The following IL17RA variants were observed in gnomAD, a reference collection of about 807,000 sequenced individuals.
IL17RA encodes interleukin 17 receptor A, also known as interleukin-17 receptor A.
Under a neutral mutation model 50.4 loss-of-function variants are expected in IL17RA, and 34 were observed. The ratio of observed to expected loss-of-function variants is 0.67; its 90% CI spans 0.51 to 0.90. The LOEUF is 0.90. IL17RA is among the 40% of genes least tolerant of loss of function. IL17RA has a pLI of 0.00. For synonymous variants in IL17RA, 585 were observed against 510.4 expected (o/e 1.15, Z -1.97); for missense variants, 1,276 against 1,169.8 (o/e 1.09, Z -1.32).
rs1340102677 is a variant in IL17RA, at chr22:17,108,607, C to T, written c.1388C>T (p.Ala463Val). The T allele has an allele frequency of 6.2e-7, 1 of 1,604,460 alleles. No homozygotes were observed. The highest frequency in any genetic ancestry group is 1.7e-5 in the Admixed American group (1 of 59,990). The change falls in exon 13 of 13, where the codon GCG becomes GTG. Residue 463 changes from alanine to valine, a missense_variant. Transcript: ENST00000319363. Reference protein sequence around the residue: ...AKWQALLGRGAPVRLRCDHGK... With the variant: ...AKWQALLGRGVPVRLRCDHGK... ...TGGCAGGCGCTCCTGGGCCGGGGGG[C>T]GCCTGTGCGGCTGCGCTGCGACCAC...
rs1451038504 is a variant in IL17RA, at chr22:17,109,054, C to G, written c.1835C>G (p.Pro612Arg). ...DEEVFEEPLL[P>R]PGTGIVKRAP... ...GAGGTGTTTGAGGAGCCACTGCTGC[C>G]TCCGGGAACCGGCATCGTGAAGCGG... Residue 612 changes from proline (P) to arginine (R), a missense_variant, in exon 13 of 13, where the codon CCT becomes CGT. By Grantham distance (103) the Pro-to-Arg change is moderately radical. Coordinates refer to ENST00000319363, the MANE Select transcript of IL17RA (RefSeq NM_014339.7). The G allele has an allele frequency of 2.5e-6, 4 of 1,589,288 alleles. No individual in the cohort carries two copies. The African/African-American group carries it at 4.0e-5, about 16-fold the overall frequency.
intron 1 of IL17RA, among the ~76,000 whole-genome samples, chr22:17,092,213 T>C (rs936946637): frequency 1.3e-5 from 2 of 152,206 alleles, no homozygotes; most frequent in African/African-American, 4.8e-5. Flanking sequence ...TGGAGGTTCC[T>C]GGAGGGTGGC....
intron 3 of IL17RA, among the ~76,000 whole-genome samples, 195 bp from the exon 4 acceptor site, chr22:17,098,580 G>T (rs546283712): frequency 1.3e-5 from 2 of 152,302 alleles, no homozygotes; most frequent in Non-Finnish European, 1.5e-5. Flanking sequence ...TCCTTGCCCA[G>T]CTGGGAAATA....
chr22:17,085,378 C>T (rs1319553869), intron 1 of IL17RA, 149 bp downstream of exon 1: 4 of 1,343,010 alleles, frequency 3.0e-6, no homozygotes, highest in Non-Finnish European at 2.9e-6. Flanking sequence ...GCCTTGGGCA[C>T]AGATATCGCG....
chr22:17,102,188 G>A lies in IL17RA; in HGVS notation c.648G>A (p.Gln216=). 1 of 1,614,188 alleles carries A rather than the reference G, an allele frequency of 6.2e-7. No individual in the cohort carries two copies. Among genetic ancestry groups the A allele is most frequent in the Non-Finnish European group, 8.5e-7 (1 of 1,180,038 alleles). ...CCGTGGAGACCCTGGAGGCCCACCA[G>A]CTGCGTGTGAGCTTCACCCTGTGGA... ...NITVETLEAH[Q]LRVSFTLWNE... The change falls in exon 7 of 13, where the codon CAG becomes CAA. Residue 216 remains glutamine, a synonymous_variant. Transcript: ENST00000319363.
At chr22:17,092,523 A>T (rs2061351562) in intron 1 of IL17RA, among the ~76,000 whole-genome samples, 1 of 152,128 alleles carries the variant, frequency 6.6e-6, no homozygotes, top group Non-Finnish European at 1.5e-5. Context: ...TCAGAATTAA[A>T]TTGGAGGATA....
intron 5 of IL17RA, 53 bp from the exon 6 acceptor site, chr22:17,101,943 A>AG: frequency 6.2e-7 from 1 of 1,608,984 alleles, no homozygotes; most frequent in African/African-American, 1.3e-5. Flanking sequence ...GTCTGGAAGA[A>AG]CAGATTTCTG....
Position 17,113,053 on chromosome 22 carries a change from T to C in IL17RA, c.*3233T>C, listed in dbSNP as rs1222624563. On this transcript the variant is annotated 3_prime_UTR_variant, in exon 13 of 13. Transcript: ENST00000319363. ...TTTGATTCAAAACCAGTTTCTCTTTTCTGCATAGGAAGGTCCTTGAAGGTG... is the reference window on the plus strand; with the variant it reads ...TTTGATTCAAAACCAGTTTCTCTTTCCTGCATAGGAAGGTCCTTGAAGGTG... The C allele has an allele frequency of 1.3e-5, 2 of 151,428 alleles. No homozygotes were observed. Among genetic ancestry groups the C allele is most frequent in the Non-Finnish European group, 2.9e-5 (2 of 67,924 alleles). The allele number at this position is 151,428 out of a possible 1,614,324, so 9.4% of individuals were successfully genotyped here.
rs3827279 is a variant in IL17RA, at chr22:17,115,039, G to C, written c.*5219G>C. ...CCAGACTCAGGCAAGGCCTAGGTGT[G>C]GGCTGGGCATTGCCTACACGTGAAG... On this transcript the variant is annotated 3_prime_UTR_variant, in exon 13 of 13. Coordinates refer to ENST00000319363, the MANE Select transcript of IL17RA (RefSeq NM_014339.7). The C allele has an allele frequency of 0.18, 27,064 of 152,266 alleles. 2,822 individuals are homozygous for C. Among genetic ancestry groups the C allele is most frequent in the East Asian group, 0.31 (1,606 of 5,182 alleles). The allele number at this position is 152,266 out of a possible 1,614,324, so 9.4% of individuals were successfully genotyped here.
rs1410271741 is a variant in IL17RA at position 17,114,728 on chromosome 22, A to G, written c.*4908A>G. ...TGAAAACAGCCCCTGCTTTTTTGCT[A>G]GAATGGCTGAGCTTTCATGGAAAGG... On this transcript the variant is annotated 3_prime_UTR_variant, in exon 13 of 13. Transcript: ENST00000319363. 6.6e-6 allele frequency: 1 copy of G among 152,254 alleles called. No homozygotes were observed. The highest frequency in any genetic ancestry group is 1.5e-5 in the Non-Finnish European group (1 of 68,056). 9.4% of individuals were successfully genotyped at this position (152,254 alleles called of 1,614,324 possible).
In IL17RA at chr22:17,109,918, G is replaced by T; in HGVS notation, c.*98G>T. On this transcript the variant is annotated 3_prime_UTR_variant, in exon 13 of 13. Transcript: ENST00000319363. ...TACATGTCTGCATGTGTATATGTTC[G>T]TGTGTGAAATGTAGGCTTTAAAATG... is the stretch of plus-strand genomic sequence containing the variant. 2 of 1,146,908 alleles carry T rather than the reference G, an allele frequency of 1.7e-6. No homozygotes were observed. Among genetic ancestry groups the T allele is most frequent in the Non-Finnish European group, 2.5e-6 (2 of 810,118 alleles). 71.0% of individuals were successfully genotyped at this position (1,146,908 alleles called of 1,614,324 possible). A position where few individuals can be genotyped will look rare whatever the true frequency, so the allele number is the denominator to read the frequency against.
rs574104072 is a variant in IL17RA at position 17,092,245 on chromosome 22, G to A, written c.139-4817G>A. ...TGGCACACCTGAGGAGGGCATGGAAGCTTTGTACTCCTTCTCCTATACCTC... is the reference window on the plus strand; with the variant it reads ...TGGCACACCTGAGGAGGGCATGGAAACTTTGTACTCCTTCTCCTATACCTC... On this transcript the variant is annotated intron_variant, in intron 1 of 12. Coordinates refer to ENST00000319363, the MANE Select transcript of IL17RA (RefSeq NM_014339.7). Among the ~76,000 whole-genome samples, 24 of 152,312 alleles carry A rather than the reference G, an allele frequency of 1.6e-4. 1 individual carries two copies. In the South Asian group the frequency reaches 4.8e-3, roughly 30 times the overall value.
intron 1 of IL17RA, among the ~76,000 whole-genome samples, chr22:17,095,808 A>G (rs929694538): frequency 1.3e-5 from 2 of 152,188 alleles, no homozygotes; most frequent in African/African-American, 2.4e-5. Context: ...GGAGCTGAAC[A>G]GGGCGAGAAG....
Position 17,108,331 on chromosome 22 carries a change from T to TCC in IL17RA, c.1117_1118dup (p.Pro374HisfsTer3). On this transcript the variant is annotated frameshift_variant, in exon 13 of 13. Transcript: ENST00000319363. LOFTEE classifies it low-confidence loss of function (END_TRUNC). ...GATGGCCTGCCTGCGGCTGACCTGA[T>TCC]CCCCCCACCGCTGAAGCCCAGGAAG... is the stretch of plus-strand genomic sequence containing the variant. 6.2e-7 allele frequency: 1 copy of TCC among 1,613,812 alleles called. No homozygotes were observed. The highest frequency in any genetic ancestry group is 8.5e-7 in the Non-Finnish European group (1 of 1,179,936).
chr22:17,109,856 T>C lies in IL17RA; in HGVS notation c.*36T>C, dbSNP rs2061433514. The C allele has an allele frequency of 1.3e-6, 2 of 1,532,088 alleles. No individual in the cohort carries two copies. Among genetic ancestry groups the C allele is most frequent in the East Asian group, 4.9e-5 (2 of 40,850 alleles). The allele number at this position is 1,532,088 out of a possible 1,614,324, so 94.9% of individuals were successfully genotyped here. On this transcript the variant is annotated 3_prime_UTR_variant, in exon 13 of 13. Transcript: ENST00000319363. The stretch of plus-strand genomic sequence containing the variant: ...CCAGGGACCGCCCAGATCCCAGCTT[T>C]GAGAGAGGAGTGTGTGTGCACGTAT...
chr22:17,107,082 G>A (rs544644110), intron 11 of IL17RA, among the ~76,000 whole-genome samples: 5 of 152,250 alleles, frequency 3.3e-5, no homozygotes, highest in Admixed American at 6.5e-5. Flanking sequence ...GTTAACCCCC[G>A]CAGAGCAGTT....
intron 7 of IL17RA, 72 bp downstream of exon 7, chr22:17,102,374 C>A: frequency 1.3e-6 from 2 of 1,544,856 alleles, no homozygotes; most frequent in Non-Finnish European, 1.8e-6. Context: ...CTCTTCTCTG[C>A]TGGTCTGACA....
At chr22:17,086,063 C>T (rs1233544998) in intron 1 of IL17RA, among the ~76,000 whole-genome samples, 3 of 152,138 alleles carry the variant, frequency 2.0e-5, no homozygotes, top group Non-Finnish European at 4.4e-5. Flanking sequence ...AAGTCGTAGC[C>T]CCGCTGCGCC....
chr22:17,108,601 G>C lies in IL17RA; in HGVS notation c.1382G>C (p.Arg461Pro). Residue 461 changes from arginine (R) to proline (P), a missense_variant, in exon 13 of 13, where the codon CGG becomes CCG. Arg to Pro is a moderately radical substitution (Grantham distance 103, BLOSUM62 -2). Transcript: ENST00000319363. ...TRAKWQALLG[R>P]GAPVRLRCDH... ...GCCAAGTGGCAGGCGCTCCTGGGCC[G>C]GGGGGCGCCTGTGCGGCTGCGCTGC... 1 of 1,604,400 alleles carries C rather than the reference G, an allele frequency of 6.2e-7. No homozygotes were observed. The highest frequency in any genetic ancestry group is 8.5e-7 in the Non-Finnish European group (1 of 1,179,552).
Sources: allele counts gnomAD v4.1 joint callset (sites outside exome capture counted in the v4.1 genomes callset), GRCh38; gene constraint gnomAD v4.1.1; transcripts MANE v1.5; gene names NCBI Gene and HGNC (gene_info 2026-07-23, HGNC 2026-07-21).